BANP: variants seen among roughly 807,000 people sequenced by gnomAD.
BANP encodes BTG3 associated nuclear protein, also known as protein BANP.
In BANP, 11 loss-of-function variants were observed where a neutral mutation model predicts 68.1. The observed-to-expected ratio is 0.16, with a 90% CI of 0.10 to 0.27. The LOEUF is 0.27. Ranked by LOEUF, BANP falls within the 10% of genes least tolerant of loss-of-function variation. BANP has a pLI of 1.00. For missense variants in BANP, 504 were observed against 722.7 expected, an observed-to-expected ratio of 0.70 and a Z score of 3.47; for synonymous variants, 329 against 303.2, an observed-to-expected ratio of 1.09 and a Z score of -0.88.
chr16:87,969,261 G>A (rs755913563), intron 1 of BANP, among the ~76,000 whole-genome samples: 3 of 151,302 alleles, frequency 2.0e-5, no homozygotes, highest in Non-Finnish European at 4.4e-5. Context: ...GTTGTTGTTT[G>A]TATGTAGGTC....
intron 7 of BANP, among the ~76,000 whole-genome samples, chr16:88,022,791 G>A (rs953771282): frequency 9.2e-5 from 14 of 152,160 alleles, no homozygotes; most frequent in Admixed American, 1.3e-4. Flanking sequence ...GTCTCTGGCC[G>A]CATCCCCCTC....
chr16:87,982,058 G>A (rs1337776202), intron 3 of BANP, among the ~76,000 whole-genome samples: 2 of 152,216 alleles, frequency 1.3e-5, no homozygotes, highest in Non-Finnish European at 1.5e-5. Flanking sequence ...AAATGTGTAC[G>A]AAAAACTTAC....
At chr16:88,076,420 G>A (rs536702656) in intron 13 of BANP, among the ~76,000 whole-genome samples, 170 bp from the exon 14 acceptor site, 13 of 152,222 alleles carry the variant, frequency 8.5e-5, no homozygotes, top group African/African-American at 3.1e-4. Flanking sequence ...TCCGCTGGGA[G>A]CCAGGCGTTG....
chr16:88,019,287 C>T (rs1430721969), intron 7 of BANP, among the ~76,000 whole-genome samples: 6 of 152,174 alleles, frequency 3.9e-5, no homozygotes, highest in Non-Finnish European at 8.8e-5. Flanking sequence ...TCCTTGCCAG[C>T]GTCCATGGTC....
chr16:87,985,708 C>T (rs558168384), intron 4 of BANP, among the ~76,000 whole-genome samples: 77 of 152,326 alleles, frequency 5.1e-4, no homozygotes, highest in Non-Finnish European at 9.4e-4. Context: ...CCGGACGTCC[C>T]ACCTGGTATG....
At chr16:88,006,013 A>G in intron 5 of BANP, 77 bp from the exon 6 acceptor site, 2 of 1,590,714 alleles carry the variant, frequency 1.3e-6, no homozygotes, top group Non-Finnish European at 1.7e-6. Context: ...AGATTTTGCG[A>G]TAAGGAAAGC....
intron 4 of BANP, among the ~76,000 whole-genome samples, chr16:87,999,298 G>A (rs1439061247): frequency 7.2e-6 from 1 of 139,794 alleles, no homozygotes; most frequent in East Asian, 2.2e-4. Flanking sequence ...TTGCACGGCT[G>A]TACTTACCAG....
At position 88,003,580 on chromosome 16, in the gene BANP, A is replaced by G. The variant is rs2070068672; in HGVS notation, c.363-715A>G. The G allele has an allele frequency of 2.0e-5, 9 of 455,552 alleles. No individual in the cohort carries two copies. Among genetic ancestry groups the G allele is most frequent in the South Asian group, 1.4e-4 (9 of 64,470 alleles). The allele number at this position is 455,552 out of a possible 1,614,324, so 28.2% of individuals were successfully genotyped here. On this transcript the variant is annotated intron_variant, in intron 4 of 13. Transcript: ENST00000682872. This position sits in a 1 kb window ranked among gnomAD's most constrained non-coding sequence, Gnocchi z 6.1. ...AAACTGTGGGTGAGTCTGTACTTTG[A>G]GATGAAGCTGTGTTAGCTGCCGCCT...
chr16:87,956,516 G>A (rs2058079726), intron 1 of BANP: 1 of 152,312 alleles, frequency 6.6e-6, no homozygotes, highest in African/African-American at 2.4e-5. Context: ...ACAGTATTGG[G>A]TGGAATCACA....
intron 1 of BANP, among the ~76,000 whole-genome samples, chr16:87,959,132 A>G (rs1452954411): frequency 6.6e-6 from 1 of 152,064 alleles, no homozygotes; most frequent in African/African-American, 2.4e-5. Context: ...TGAGGGTCAG[A>G]GTGTAAGTGT....
intron 1 of BANP, among the ~76,000 whole-genome samples, chr16:87,956,365 G>C (rs893631019): frequency 6.6e-6 from 1 of 152,220 alleles, no homozygotes; most frequent in African/African-American, 2.4e-5. Flanking sequence ...GCCTGAGGTA[G>C]ATAAACATCT....
chr16:88,075,898 C>T (rs1003066658), intron 13 of BANP, among the ~76,000 whole-genome samples: 17 of 148,608 alleles, frequency 1.1e-4, no homozygotes, highest in Non-Finnish European at 1.6e-4. Context: ...AGGTGTGCAC[C>T]GCCACACCGG....
In BANP at chr16:88,070,196, A is replaced by G. The variant is rs114832930; in HGVS notation, c.1378-1873A>G. 4.9e-3 allele frequency among the ~76,000 whole-genome samples: 748 copies of G among 152,292 alleles called. 8 individuals carry two copies. The highest frequency in any genetic ancestry group is 0.017 in the African/African-American group (709 of 41,562). On this transcript the variant is annotated intron_variant, in intron 12 of 13. Transcript: ENST00000682872. ...CCACTATCAGTAGGGCCATTGGTCA[A>G]CAGGCTATTAGTAAAGTTTTGGGGA...
intron 7 of BANP, among the ~76,000 whole-genome samples, chr16:88,022,629 C>G (rs939424201): frequency 1.3e-5 from 2 of 152,194 alleles, no homozygotes; most frequent in African/African-American, 4.8e-5. Context: ...GCCGCGGGGA[C>G]AAAGCTCACA....
chr16:88,043,947 T>C (rs902623135), intron 11 of BANP, among the ~76,000 whole-genome samples: 2 of 152,200 alleles, frequency 1.3e-5, no homozygotes, highest in Non-Finnish European at 2.9e-5. Context: ...GATGACTTTA[T>C]TTTTGAGTGC....
chr16:87,965,868 CCTA>C (rs1477100718), intron 1 of BANP, among the ~76,000 whole-genome samples: 1 of 152,150 alleles, frequency 6.6e-6, no homozygotes, highest in Admixed American at 6.5e-5. Context: ...CGGAATAAGG[CCTA>C]TGGAAAGCTC....
chr16:88,028,902 G>A (rs1293909737), intron 8 of BANP, among the ~76,000 whole-genome samples: 1 of 152,226 alleles, frequency 6.6e-6, no homozygotes, highest in Non-Finnish European at 1.5e-5. Context: ...TTTTTACAGT[G>A]CCTGTCTCTA....
chr16:88,017,585 T>G (rs2074878061), intron 6 of BANP, among the ~76,000 whole-genome samples: 1 of 152,154 alleles, frequency 6.6e-6, no homozygotes. Flanking sequence ...AAGGGTCAGC[T>G]AGGAAGCTGA....
chr16:88,073,336 C>G (rs1050426051), intron 13 of BANP, among the ~76,000 whole-genome samples: 3 of 152,202 alleles, frequency 2.0e-5, no homozygotes, highest in Non-Finnish European at 2.9e-5. Flanking sequence ...TGTAGAAGGT[C>G]TGGCCCCTCC....
Sources: allele counts gnomAD v4.1 joint callset (sites outside exome capture counted in the v4.1 genomes callset), GRCh38; gene constraint gnomAD v4.1.1; non-coding constraint Gnocchi (gnomAD v3.1); transcripts MANE v1.5; gene names NCBI Gene and HGNC (gene_info 2026-07-23, HGNC 2026-07-21).